The following FCRL6 variants were observed in gnomAD, a reference collection of about 807,000 sequenced individuals.
FCRL6 encodes the protein Fc receptor like 6, also known as Fc receptor-like protein 6.
FCRL6 carries 50 observed loss-of-function variants against 49.1 expected under a neutral mutation model. That is an observed-to-expected ratio of 1.02 (90% CI 0.81 to 1.29). The LOEUF is 1.29. FCRL6 is among the 50% of genes most tolerant of loss of function. The pLI, the probability that FCRL6 is intolerant of heterozygous loss-of-function variation, is 0.00. For missense variants in FCRL6, 571 were observed against 518.5 expected (o/e 1.10, Z -0.98); for synonymous variants, 213 against 199.6 (o/e 1.07, Z -0.57).
intron 1 of FCRL6, among the ~76,000 whole-genome samples, chr1:159,803,847 A>G (rs6659704): frequency 0.26 from 38,869 of 151,996 alleles, 5,953 homozygotes; most frequent in African/African-American, 0.43. Context: ...TAAAACACAG[A>G]CACTGGGGCT....
chr1:159,814,198 T>A, intron 7 of FCRL6, 23 bp from the exon 8 acceptor site: 1 of 1,610,056 alleles, frequency 6.2e-7, no homozygotes, highest in Non-Finnish European at 8.5e-7. Flanking sequence ...AGGATCCTAT[T>A]TAAGCCTCAT....
At chr1:159,812,538 C>G (rs138785454) in intron 6 of FCRL6, among the ~76,000 whole-genome samples, 1 of 152,186 alleles carries the variant, frequency 6.6e-6, no homozygotes, top group Non-Finnish European at 1.5e-5. Flanking sequence ...CTTTTACTAC[C>G]AGTTGTCACA....
intron 6 of FCRL6, among the ~76,000 whole-genome samples, chr1:159,812,953 T>C (rs548091014): frequency 6.0e-4 from 92 of 152,330 alleles, no homozygotes; most frequent in African/African-American, 2.1e-3. Flanking sequence ...TGTGACCTTA[T>C]AGAAGTCGCC....
intron 1 of FCRL6, among the ~76,000 whole-genome samples, chr1:159,805,128 C>A (rs756896823): frequency 3.9e-5 from 6 of 152,120 alleles, no homozygotes; most frequent in African/African-American, 7.2e-5. Flanking sequence ...TCCACTACAC[C>A]GAGCTCATAG....
Position 159,808,251 on chromosome 1 carries a change from G to A in FCRL6, c.126G>A (p.Trp42Ter), listed in dbSNP as rs1198275003. Residue 42 changes from tryptophan (W) to a stop codon, truncating the protein, a stop_gained, in exon 3 of 10, where the codon TGG becomes TGA. Transcript: ENST00000368106. LOFTEE classifies it high-confidence loss of function. ...GDALTLRCQG[W>*]KNTPLSQVKF... ...CCCTGACTCTGCGATGTCAGGGATG[G>A]AAGAATACACCACTGTCTCAGGTGA... The A allele has an allele frequency of 2.5e-6, 4 of 1,613,470 alleles. No homozygotes were observed. The South Asian group carries it at 3.3e-5, about 13-fold the overall frequency.
upstream of FCRL6, chr1:159,800,704 C>T: frequency 8.6e-7 from 1 of 1,168,164 alleles, no homozygotes; most frequent in Non-Finnish European, 1.2e-6. Flanking sequence ...AAATGCCTGG[C>T]AGTGTCAAAT....
At chr1:159,808,680 A>C in intron 3 of FCRL6, 1 of 621,314 alleles carries the variant, frequency 1.6e-6, no homozygotes, top group Non-Finnish European at 2.8e-6. Flanking sequence ...GGGCACTGGG[A>C]AGACCCTGGA....
chr1:159,810,300 G>C, intron 6 of FCRL6, 84 bp downstream of exon 6: 7 of 1,477,922 alleles, frequency 4.7e-6, no homozygotes, highest in East Asian at 2.5e-5. Flanking sequence ...AGTCTGACAG[G>C]ACCAGCCACT....
chr1:159,811,043 A>G (rs987479496), intron 6 of FCRL6, among the ~76,000 whole-genome samples: 2 of 152,252 alleles, frequency 1.3e-5, no homozygotes, highest in Non-Finnish European at 2.9e-5. Context: ...CACTGAAAAT[A>G]AAAAGGTTGG....
At chr1:159,805,129 G>A (rs966279353) in intron 1 of FCRL6, among the ~76,000 whole-genome samples, 4 of 152,118 alleles carry the variant, frequency 2.6e-5, no homozygotes, top group African/African-American at 7.2e-5. Flanking sequence ...CCACTACACC[G>A]AGCTCATAGA....
chr1:159,801,315 T>A (rs569411123), upstream of FCRL6, among the ~76,000 whole-genome samples: 1 of 152,370 alleles, frequency 6.6e-6, no homozygotes, highest in Non-Finnish European at 1.5e-5. Flanking sequence ...TGTTTAGTTT[T>A]GGTAGATTCT....
chr1:159,811,315 A>C (rs747664626), intron 6 of FCRL6, among the ~76,000 whole-genome samples: 3 of 152,184 alleles, frequency 2.0e-5, no homozygotes, highest in Non-Finnish European at 4.4e-5. Flanking sequence ...CAGAGGTTCA[A>C]ATCAACCCCA....
upstream of FCRL6, chr1:159,802,332 C>A: frequency 1.4e-6 from 2 of 1,478,946 alleles, no homozygotes; most frequent in East Asian, 2.4e-5. Context: ...GGCCACCCAC[C>A]CACCTTCGGT....
Position 159,808,960 on chromosome 1 carries a change from G to A in FCRL6, c.320-1G>A, listed in dbSNP as rs1425399499. On this transcript the variant is annotated splice_acceptor_variant, in intron 3 of 9. Coordinates refer to ENST00000368106, the MANE Select transcript of FCRL6 (RefSeq NM_001004310.3). LOFTEE classifies it high-confidence loss of function. ...TGAGTCCTGGGCCTGCATCTCCCCAGAGCTGTTTCCACCTCCTGTGCTGAG... is the reference window on the plus strand; with the variant it reads ...TGAGTCCTGGGCCTGCATCTCCCCAAAGCTGTTTCCACCTCCTGTGCTGAG... 6.2e-7 allele frequency: 1 copy of A among 1,601,328 alleles called. No homozygotes were observed. Among genetic ancestry groups the A allele is most frequent in the Admixed American group, 1.7e-5 (1 of 58,926 alleles).
chr1:159,807,772 G>A (rs558127443), intron 2 of FCRL6, among the ~76,000 whole-genome samples: 4 of 152,142 alleles, frequency 2.6e-5, no homozygotes, highest in Non-Finnish European at 5.9e-5. Flanking sequence ...CTAGGCTGGA[G>A]GGAATTGAGT....
Position 159,808,169 on chromosome 1 carries a change from G to C in FCRL6, c.53-9G>C, listed in dbSNP as rs116501788. 1,322 of 1,604,662 alleles carry C rather than the reference G, an allele frequency of 8.2e-4. 17 individuals are homozygous for C. The African/African-American group carries it at 0.016, about 20-fold the overall frequency. On this transcript the variant is annotated splice_polypyrimidine_tract_variant and intron_variant, in intron 2 of 9. Transcript: ENST00000368106. The stretch of plus-strand genomic sequence containing the variant: ...AGCTCCAGGGCTGCCCTGTTCCTCT[G>C]TCTCGCAGTCTGGCTGTACCTCCAA...
At position 159,808,380 on chromosome 1, in the gene FCRL6, G is replaced by A. The variant is rs772602715; in HGVS notation, c.255G>A (p.Gly85=). 21 of 1,614,032 alleles carry A rather than the reference G, an allele frequency of 1.3e-5. 1 individual carries two copies. Among genetic ancestry groups the A allele is most frequent in the South Asian group, 2.2e-5 (2 of 91,090 alleles). The change falls in exon 3 of 10, where the codon GGG becomes GGA. Residue 85 remains glycine (G), a synonymous_variant. Coordinates refer to ENST00000368106, the MANE Select transcript of FCRL6 (RefSeq NM_001004310.3). ...GCCGTGGCCAGTACAGCTGCTCTGG[G>A]CAGGTGATGTATATTCCACAGACAT... ...VQSRGQYSCS[G]QVMYIPQTFT...
rs191884799 is a variant in FCRL6, at chr1:159,812,957, A to C, written c.1010-532A>C. ...CCACTACTTACTGTGACCTTATAGAAGTCGCCTCTCCCAGCTCCAGTCACC... is the reference window on the plus strand; with the variant it reads ...CCACTACTTACTGTGACCTTATAGACGTCGCCTCTCCCAGCTCCAGTCACC... On this transcript the variant is annotated intron_variant, in intron 6 of 9. Coordinates refer to ENST00000368106, the MANE Select transcript of FCRL6 (RefSeq NM_001004310.3). Among the ~76,000 whole-genome samples the C allele has an allele frequency of 7.9e-3, 1,203 of 152,340 alleles. 11 individuals carry two copies. The highest frequency in any genetic ancestry group is 0.027 in the African/African-American group (1,122 of 41,568).
intron 6 of FCRL6, 75 bp from the exon 7 acceptor site, chr1:159,813,414 C>T: frequency 7.5e-7 from 1 of 1,340,376 alleles, no homozygotes; most frequent in South Asian, 1.2e-5. Context: ...GTCATTCTTG[C>T]TCACAGCTTT....
Sources: allele counts gnomAD v4.1 joint callset (sites outside exome capture counted in the v4.1 genomes callset), GRCh38; gene constraint gnomAD v4.1.1; transcripts MANE v1.5; gene names NCBI Gene and HGNC (gene_info 2026-07-23, HGNC 2026-07-21).